ARAP2: variants seen among roughly 807,000 people sequenced by gnomAD.
The protein encoded by ARAP2 is arf-GAP with Rho-GAP domain, ANK repeat and PH domain-containing protein 2.
ARAP2 carries 148 observed loss-of-function variants against 194.5 expected under a neutral mutation model. That is an observed-to-expected ratio of 0.76 (90% CI 0.67 to 0.87). The LOEUF (loss-of-function observed/expected upper bound fraction) is 0.87. ARAP2 is among the 40% of genes least tolerant of loss of function. The pLI is 0.00. For missense variants in ARAP2, 2,128 were observed against 1,989.7 expected (o/e 1.07, Z -1.32); for synonymous variants, 695 against 683.5 (o/e 1.02, Z -0.26).
chr4:36,104,148 T>C (rs1413579208), intron 27 of ARAP2, among the ~76,000 whole-genome samples: 2 of 151,898 alleles, frequency 1.3e-5, no homozygotes, highest in Non-Finnish European at 2.9e-5. Flanking sequence ...AATGTTAACA[T>C]ATTAGCTATT....
chr4:36,117,274 C>A, intron 24 of ARAP2, 139 bp from the exon 25 acceptor site: 1 of 567,362 alleles, frequency 1.8e-6, no homozygotes, highest in Non-Finnish European at 2.9e-6. Flanking sequence ...CCCCTGCTCA[C>A]AAGCATGATG....
rs1482921836 is a variant in ARAP2 at position 36,117,135 on chromosome 4, C to A, written c.3964G>T (p.Val1322Phe). 1.3e-6 allele frequency: 2 copies of A among 1,593,282 alleles called. No homozygotes were observed. Among genetic ancestry groups the A allele is most frequent in the East Asian group, 2.3e-5 (1 of 43,568 alleles). ...SFITKWKDTQ[V>F]SQAGDLLIEV... Reference sequence around the variant, plus strand: ...ATTAACAAATCTCCAGCCTGGGAAACCTAGAAAAGGGCAGAGGTAGAAACA... The same window carrying A: ...ATTAACAAATCTCCAGCCTGGGAAAACTAGAAAAGGGCAGAGGTAGAAACA... Residue 1322 changes from valine (V) to phenylalanine (F), a missense_variant and splice_region_variant, in exon 25 of 33, where the codon GTT becomes TTT. Physicochemically the swap from Val to Phe is conservative, Grantham distance 50. Transcript: ENST00000303965.
intron 15 of ARAP2, among the ~76,000 whole-genome samples, chr4:36,152,974 G>C (rs184238993): frequency 2.9e-4 from 44 of 152,284 alleles, no homozygotes; most frequent in East Asian, 1.7e-3. Flanking sequence ...TAGACAAGTG[G>C]GAGCCATTCA....
chr4:36,065,427 G>A, downstream of ARAP2: 1 of 482,600 alleles, frequency 2.1e-6, no homozygotes, highest in Non-Finnish European at 4.2e-6. Flanking sequence ...AGCTCTGCAT[G>A]CCACCACTCT....
At chr4:36,064,711 C>T (rs1725107911), downstream of ARAP2, among the ~76,000 whole-genome samples, 1 of 152,114 alleles carries the variant, frequency 6.6e-6, no homozygotes. Context: ...ATTTGCTATC[C>T]CTGGAGTTCT....
intron 32 of ARAP2, 76 bp downstream of exon 32, chr4:36,073,613 T>TAA (rs1577747005): frequency 4.1e-5 from 61 of 1,499,614 alleles, no homozygotes; most frequent in Non-Finnish European, 5.3e-5. Flanking sequence ...ATGAAGTAAT[T>TAA]AATGACCTAA....
intron 22 of ARAP2, among the ~76,000 whole-genome samples, chr4:36,123,794 T>C (rs1723240672): frequency 2.6e-5 from 4 of 151,846 alleles, no homozygotes; most frequent in Admixed American, 2.6e-4. Flanking sequence ...CACAACTTCC[T>C]GCCAGCCAAC....
intron 9 of ARAP2, among the ~76,000 whole-genome samples, chr4:36,171,489 G>C (rs1736618739): frequency 6.6e-6 from 1 of 151,408 alleles, no homozygotes; most frequent in Non-Finnish European, 1.5e-5. Context: ...ATGGACACAG[G>C]AAGGGGAACA....
intron 28 of ARAP2, among the ~76,000 whole-genome samples, chr4:36,091,331 C>T (rs1713587031): frequency 6.6e-6 from 1 of 152,050 alleles, no homozygotes; most frequent in East Asian, 1.9e-4. Flanking sequence ...TATCTACTCC[C>T]TCTTTTATAT....
chr4:36,135,491 T>C (rs1726478219), intron 19 of ARAP2, among the ~76,000 whole-genome samples: 2 of 151,758 alleles, frequency 1.3e-5, no homozygotes, highest in South Asian at 4.1e-4. Context: ...TCTTTATCTA[T>C]TGTTTCTATT....
intron 2 of ARAP2, among the ~76,000 whole-genome samples, chr4:36,217,154 T>C (rs1748106286): frequency 6.6e-6 from 1 of 152,214 alleles, no homozygotes; most frequent in South Asian, 2.1e-4. Context: ...CTCATCAAAT[T>C]ACATGCTTTA....
chr4:36,026,720 CG>C (rs1292310390), intron 5 of ARAP2, among the ~76,000 whole-genome samples: 1 of 152,182 alleles, frequency 6.6e-6, no homozygotes, highest in Non-Finnish European at 1.5e-5. Context: ...GCATGGTGTA[CG>C]CAGTGTTTTT....
intron 9 of ARAP2, among the ~76,000 whole-genome samples, chr4:36,169,158 T>G (rs1735979080): frequency 6.6e-6 from 1 of 152,164 alleles, no homozygotes; most frequent in Admixed American, 6.5e-5. Context: ...GAAATAAACT[T>G]TAGAATAAAT....
rs139402269 is a variant in ARAP2 at position 36,151,941 on chromosome 4, G to C, written c.2753-897C>G. 3.9e-5 allele frequency among the ~76,000 whole-genome samples: 6 copies of C among 152,238 alleles called. No homozygotes were observed. In the East Asian group the frequency reaches 1.2e-3, roughly 29 times the overall value. On this transcript the variant is annotated intron_variant, in intron 15 of 32. Coordinates refer to ENST00000303965, the MANE Select transcript of ARAP2 (RefSeq NM_015230.4). ...AGCTATTCTTAGAACTTTTCTGTAA[G>C]TCTCAAATTATTAGTCAAACTAATT...
chr4:36,191,272 G>A (rs1005689538), intron 7 of ARAP2, among the ~76,000 whole-genome samples: 1 of 152,034 alleles, frequency 6.6e-6, no homozygotes, highest in African/African-American at 2.4e-5. Flanking sequence ...AATAAGTCAA[G>A]TAGCACTGTA....
downstream of ARAP2, chr4:36,065,256 T>A: frequency 2.3e-6 from 1 of 426,342 alleles, no homozygotes. Flanking sequence ...TTCACACACA[T>A]CAGGCCTTGT....
chr4:36,112,642 T>C (rs67290627), intron 26 of ARAP2, among the ~76,000 whole-genome samples: 5,062 of 151,778 alleles, frequency 0.033, 203 homozygotes, highest in East Asian at 0.13. Context: ...ACTTATTCAA[T>C]AGATTTTATG....
downstream of ARAP2, among the ~76,000 whole-genome samples, chr4:36,061,011 G>T (rs1252105955): frequency 1.3e-5 from 2 of 152,034 alleles, no homozygotes; most frequent in African/African-American, 4.8e-5. Flanking sequence ...CTTTATTAGT[G>T]CATAACATAT....
intron 32 of ARAP2, 62 bp downstream of exon 32, chr4:36,073,627 C>G: frequency 6.4e-7 from 1 of 1,562,316 alleles, no homozygotes; most frequent in Non-Finnish European, 8.7e-7. Flanking sequence ...GACCTAATCA[C>G]ATTATGACAC....
Sources: gnomAD v4.1 joint callset for allele counts (sites outside exome capture counted in the v4.1 genomes callset) on GRCh38, gnomAD v4.1.1 for gene constraint, MANE v1.5 for transcripts, NCBI Gene and HGNC (gene_info 2026-07-23, HGNC 2026-07-21) for gene names.